Variants in SYNE2 observed in about 807,000 individuals in gnomAD.
SYNE2 encodes the protein spectrin repeat containing nuclear envelope protein 2.
In SYNE2, 431 loss-of-function variants were observed where a neutral mutation model predicts 856.3. That is an observed-to-expected ratio of 0.50 (90% CI 0.47 to 0.55). The LOEUF (loss-of-function observed/expected upper bound fraction) is 0.55, where lower values mean the gene tolerates loss of function less well. SYNE2 is among the 20% of genes least tolerant of loss of function. The probability of loss-of-function intolerance (pLI) is 0.00; values close to 1 mark genes in which losing one functional copy is unlikely to be tolerated. For synonymous variants in SYNE2, 2,923 were observed against 2,872.3 expected (o/e 1.02, Z -0.56); for missense variants, 8,129 against 8,023.2 (o/e 1.01, Z -0.50).
At chr14:63,792,668 TGTTTG>T (rs1887776282) in intron 1 of SYNE2, among the ~76,000 whole-genome samples, 1 of 151,924 alleles carries the variant, frequency 6.6e-6, no homozygotes, top group Non-Finnish European at 1.5e-5. Context: ...TTTGTTTGTT[TGTTTG>T]TTTGTTTTTT....
rs577098923 is a variant in SYNE2, at chr14:64,160,970, A to G, written c.16095-1102A>G. 9.8e-5 allele frequency among the ~76,000 whole-genome samples: 15 copies of G among 152,290 alleles called. 1 individual carries two copies. Among genetic ancestry groups the G allele is most frequent in the African/African-American group, 3.6e-4 (15 of 41,568 alleles). ...AAACTAAGGAAACAAAGAAAAAAAAACCCACAGACCATTTGTACAGCCACT... is the reference window on the plus strand; with the variant it reads ...AAACTAAGGAAACAAAGAAAAAAAAGCCCACAGACCATTTGTACAGCCACT... On this transcript the variant is annotated intron_variant, in intron 87 of 115. Transcript: ENST00000555002.
At chr14:64,042,158 A>G (rs570159804) in intron 45 of SYNE2, among the ~76,000 whole-genome samples, 1 of 152,326 alleles carries the variant, frequency 6.6e-6, no homozygotes, top group African/African-American at 2.4e-5. Flanking sequence ...AATGAACTAG[A>G]TGTATAATCT....
chr14:63,949,342 A>G (rs533399637), intron 6 of SYNE2, among the ~76,000 whole-genome samples: 66 of 152,166 alleles, frequency 4.3e-4, no homozygotes, highest in Non-Finnish European at 5.9e-4. Flanking sequence ...TTATTAATGC[A>G]ATTGTTTTTC....
chr14:64,030,091 T>TA, intron 44 of SYNE2, 32 bp downstream of exon 44: 1 of 1,608,654 alleles, frequency 6.2e-7, no homozygotes, highest in Non-Finnish European at 8.5e-7. Flanking sequence ...TGATAGACAT[T>TA]TAAAAAAAAA....
chr14:64,193,828 A>G (rs570896603), intron 99 of SYNE2, among the ~76,000 whole-genome samples: 1 of 152,356 alleles, frequency 6.6e-6, no homozygotes, highest in East Asian at 1.9e-4. Flanking sequence ...CTCCTCACAT[A>G]GATTATTTCA....
intron 1 of SYNE2, among the ~76,000 whole-genome samples, chr14:63,907,653 C>T (rs555460202): frequency 6.6e-6 from 1 of 151,590 alleles, no homozygotes; most frequent in Non-Finnish European, 1.5e-5. Flanking sequence ...GAATTCAAAT[C>T]TTAGGGTGCC....
rs1377334359 is a variant in SYNE2, at chr14:63,814,898, A to ATCCATATATC, written c.-304-37602_-304-37601insCCATATATCT. 3.8e-3 allele frequency among the ~76,000 whole-genome samples: 472 copies of ATCCATATATC among 125,506 alleles called. 4 individuals carry two copies. Among genetic ancestry groups the ATCCATATATC allele is most frequent in the African/African-American group, 0.012 (438 of 36,086 alleles). 82.3% of individuals were successfully genotyped at this position (125,506 alleles called of 152,430 possible). A position where few individuals can be genotyped will look rare whatever the true frequency, so the allele number is the denominator to read the frequency against. On this transcript the variant is annotated intron_variant, in intron 1 of 23. Coordinates refer to the SYNE2 transcript ENST00000674003. ...TATATCCATATATATATCCATATAT[A>ATCCATATATC]TATCCATATATATCCATATATCTAT...
Position 64,137,891 on chromosome 14 carries a change from G to C in SYNE2, c.14751G>C (p.Gln4917His), listed in dbSNP as rs895271842. 1 of 1,614,096 alleles carries C rather than the reference G, an allele frequency of 6.2e-7. No homozygotes were observed. Among genetic ancestry groups the C allele is most frequent in the Non-Finnish European group, 8.5e-7 (1 of 1,180,038 alleles). ...ASVSCPELEG[Q>H]IAKLEEQWLS... ...TGAGCTGTCCTGAATTAGAGGGCCAGATCGCAAAACTGGAAGAGCAGTGGT... is the reference window on the plus strand; with the variant it reads ...TGAGCTGTCCTGAATTAGAGGGCCACATCGCAAAACTGGAAGAGCAGTGGT... The change falls in exon 79 of 116, where the codon CAG becomes CAC. Residue 4917 changes from glutamine (Q) to histidine (H), a missense_variant. This residue lies in a region of SYNE2 where 5,410 missense variants were observed against 5,284.8 expected (regional missense o/e 1.02). Transcript: ENST00000555002.
At position 63,941,909 on chromosome 14, in the gene SYNE2, T is replaced by C. The variant is rs978806035; in HGVS notation, c.262T>C (p.Phe88Leu). The change falls in exon 5 of 116, where the codon TTC (phenylalanine) becomes CTC (leucine). Residue 88 changes from phenylalanine to leucine, a missense_variant. By Grantham distance (22) the Phe-to-Leu change is conservative. This residue lies in a region of SYNE2 where 2,422 missense variants were observed against 2,357.4 expected (regional missense o/e 1.03). Coordinates refer to ENST00000555002, the MANE Select transcript of SYNE2 (RefSeq NM_182914.3). Reference sequence around the variant, plus strand: ...GCCTCGGGATAAAGGATCTAATACCTTCCAGTGTAGAATCAATATAGAACA... The same window carrying C: ...GCCTCGGGATAAAGGATCTAATACCCTCCAGTGTAGAATCAATATAGAACA... ...QLPRDKGSNTFQCRINIEHAL... is the reference protein window; with the variant it reads ...QLPRDKGSNTLQCRINIEHAL... 6.2e-7 allele frequency: 1 copy of C among 1,613,238 alleles called. No individual in the cohort carries two copies. Among genetic ancestry groups the C allele is most frequent in the African/African-American group, 1.3e-5 (1 of 74,924 alleles).
intron 1 of SYNE2, among the ~76,000 whole-genome samples, chr14:63,908,829 C>T (rs1449711459): frequency 2.0e-5 from 3 of 152,186 alleles, no homozygotes; most frequent in African/African-American, 7.2e-5. Flanking sequence ...CCTTCCTTTT[C>T]ACCACTGGTA....
chr14:63,972,927 C>T (rs1185024247), intron 11 of SYNE2, among the ~76,000 whole-genome samples: 1 of 152,180 alleles, frequency 6.6e-6, no homozygotes, highest in Non-Finnish European at 1.5e-5. Flanking sequence ...TAATTAGACA[C>T]ACTAAAAGTA....
intron 1 of SYNE2, among the ~76,000 whole-genome samples, chr14:63,882,721 C>CAA (rs1443184571): frequency 4.6e-5 from 7 of 152,036 alleles, no homozygotes; most frequent in African/African-American, 1.7e-4. Flanking sequence ...AACAAACAAA[C>CAA]AAACAAAAAC....
chr14:63,983,402 A>G (rs1255900), intron 17 of SYNE2, among the ~76,000 whole-genome samples: 46,306 of 151,972 alleles, frequency 0.3, 7,261 homozygotes, highest in Middle Eastern at 0.35. Flanking sequence ...TTTACTGTAG[A>G]GCTTTCTAGT....
intron 1 of SYNE2, among the ~76,000 whole-genome samples, chr14:63,795,705 T>C (rs982207473): frequency 1.3e-5 from 2 of 152,142 alleles, no homozygotes; most frequent in African/African-American, 2.4e-5. Flanking sequence ...GCAACGTGAA[T>C]GTTCACAGCA....
In SYNE2 at chr14:64,215,270, CATT is replaced by C. The variant is rs751225638; in HGVS notation, c.19334-15_19334-13del. 1 of 1,613,736 alleles carries C rather than the reference CATT, an allele frequency of 6.2e-7. No homozygotes were observed. The highest frequency in any genetic ancestry group is 1.1e-5 in the South Asian group (1 of 91,066). ...CAGGCACCTCCAGTGAGGCAAATGA[CATT>C]GTTCTTTTTCAGATGTAGAAATCCC... On this transcript the variant is annotated splice_polypyrimidine_tract_variant and intron_variant, in intron 106 of 115. Transcript: ENST00000555002.
At chr14:63,968,436 T>C (rs962042329) in intron 11 of SYNE2, among the ~76,000 whole-genome samples, 4 of 152,230 alleles carry the variant, frequency 2.6e-5, no homozygotes, top group African/African-American at 9.6e-5. Context: ...TATATTTTGA[T>C]TGACCTGTGG....
At chr14:64,009,519 G>GAGCT (rs944490708) in intron 31 of SYNE2, among the ~76,000 whole-genome samples, 4 of 115,440 alleles carry the variant, frequency 3.5e-5, no homozygotes, top group African/African-American at 1.4e-4. Flanking sequence ...TTGGGTGACA[G>GAGCT]AGCTAGACTC....
intron 88 of SYNE2, 165 bp downstream of exon 88, chr14:64,162,441 G>A: frequency 1.3e-6 from 1 of 747,370 alleles, no homozygotes; most frequent in Non-Finnish European, 2.3e-6. Flanking sequence ...GGACCAGGTG[G>A]TGGCTCAGAG....
chr14:64,170,144 T>C (rs1446056003), intron 93 of SYNE2, 84 bp from the exon 94 acceptor site: 1 of 1,305,070 alleles, frequency 7.7e-7, no homozygotes, highest in Non-Finnish European at 1.1e-6. Context: ...TTATAAAAAC[T>C]GAATCTGAGC....
Sources: allele counts gnomAD v4.1 joint callset (sites outside exome capture counted in the v4.1 genomes callset), GRCh38; gene constraint gnomAD v4.1.1; regional missense constraint gnomAD v4.1.1; transcripts MANE v1.5; gene names NCBI Gene and HGNC (gene_info 2026-07-23, HGNC 2026-07-21).